Variants in NRXN1 observed in about 807,000 individuals in gnomAD.
NRXN1 encodes neurexin 1, also known as neurexin-1.
NRXN1 carries 39 observed loss-of-function variants against 150.9 expected under a neutral mutation model. The observed-to-expected ratio is 0.26, with a 90% CI of 0.20 to 0.34. NRXN1 has a LOEUF of 0.34. Ranked by LOEUF, NRXN1 falls within the 10% of genes least tolerant of loss-of-function variation. The probability of loss-of-function intolerance (pLI) is 1.00; values close to 1 mark genes in which losing one functional copy is unlikely to be tolerated. For missense variants in NRXN1, 1,815 were observed against 1,949.9 expected, an observed-to-expected ratio of 0.93 and a Z score of 1.30; for synonymous variants, 924 against 757.0, an observed-to-expected ratio of 1.22 and a Z score of -3.62.
chr2:50,838,743 G>A (rs1430344900), intron 5 of NRXN1, among the ~76,000 whole-genome samples: 1 of 152,204 alleles, frequency 6.6e-6, no homozygotes, highest in East Asian at 1.9e-4. Flanking sequence ...AAAACCAGAA[G>A]TTAAAAGAAG....
At chr2:50,956,850 A>G (rs1381431184) in intron 2 of NRXN1, among the ~76,000 whole-genome samples, 6 of 152,152 alleles carry the variant, frequency 3.9e-5, no homozygotes, top group African/African-American at 1.4e-4. Flanking sequence ...AACAAACTCA[A>G]TGAGGAGGTA....
At chr2:50,182,125 TA>T (rs2060765825) in intron 18 of NRXN1, among the ~76,000 whole-genome samples, 1 of 148,594 alleles carries the variant, frequency 6.7e-6, no homozygotes, top group African/African-American at 2.5e-5. Context: ...TTTTTTTTTT[TA>T]CTTTTAGATT....
rs1330046507 is a variant in NRXN1 at position 50,169,728 on chromosome 2, AGAAAG to A, written c.3546+67056_3546+67060del. On this transcript the variant is annotated intron_variant, in intron 18 of 22. Transcript: ENST00000401669. ...TTCCATCTCAAAAAAAAAAAAAAAA[AGAAAG>A]AAAGAAATTATATGGATGAGGTAGA... Among the ~76,000 whole-genome samples the A allele has an allele frequency of 1.4e-3, 194 of 139,106 alleles. 10 individuals are homozygous for A. Among genetic ancestry groups the A allele is most frequent in the African/African-American group, 5.2e-3 (190 of 36,278 alleles). 91.3% of individuals were successfully genotyped at this position (139,106 alleles called of 152,430 possible).
chr2:50,449,524 A>G (rs1269205730), intron 17 of NRXN1, among the ~76,000 whole-genome samples: 1 of 152,146 alleles, frequency 6.6e-6, no homozygotes, highest in Non-Finnish European at 1.5e-5. Flanking sequence ...GCATATTCAG[A>G]GTCAGTAGGT....
intron 13 of NRXN1, among the ~76,000 whole-genome samples, chr2:50,501,916 A>G (rs2091969129): frequency 6.6e-6 from 1 of 152,176 alleles, no homozygotes; most frequent in Admixed American, 6.5e-5. Context: ...AAGATATGGG[A>G]AAATGTAGGA....
intron 5 of NRXN1, among the ~76,000 whole-genome samples, chr2:50,662,190 T>A (rs1687397041): frequency 6.6e-6 from 1 of 152,028 alleles, no homozygotes; most frequent in Admixed American, 6.6e-5. Flanking sequence ...AAGCTGCAGA[T>A]TCTATTTTGC....
chr2:50,102,017 T>A (rs933701691), intron 18 of NRXN1, among the ~76,000 whole-genome samples: 1 of 151,978 alleles, frequency 6.6e-6, no homozygotes, highest in African/African-American at 2.4e-5. Context: ...AAAATGTGTG[T>A]ATATGGGCAT....
chr2:50,301,403 G>A (rs577374085), intron 17 of NRXN1, among the ~76,000 whole-genome samples: 2 of 152,322 alleles, frequency 1.3e-5, no homozygotes, highest in Admixed American at 6.5e-5. Flanking sequence ...TGACTCCAGA[G>A]TCCATATACT....
At chr2:50,254,269 A>G (rs1376511082) in intron 17 of NRXN1, among the ~76,000 whole-genome samples, 1 of 148,682 alleles carries the variant, frequency 6.7e-6, no homozygotes, top group Admixed American at 6.7e-5. Context: ...TATCCCCTTT[A>G]TCATTTTTTA....
At chr2:50,436,751 GTTTCT>G in intron 17 of NRXN1, among the ~76,000 whole-genome samples, 1 of 152,182 alleles carries the variant, frequency 6.6e-6, no homozygotes, top group Middle Eastern at 3.4e-3. Flanking sequence ...AAGGGATTCT[GTTTCT>G]TTTAATAGTG....
At chr2:50,883,185 A>AT (rs1176450835) in intron 5 of NRXN1, among the ~76,000 whole-genome samples, 1 of 151,748 alleles carries the variant, frequency 6.6e-6, no homozygotes, top group Non-Finnish European at 1.5e-5. Context: ...TTTTCTTTTC[A>AT]TTTTTGCATT....
At chr2:50,453,583 C>A (rs939094035) in intron 17 of NRXN1, among the ~76,000 whole-genome samples, 1 of 152,112 alleles carries the variant, frequency 6.6e-6, no homozygotes, top group Non-Finnish European at 1.5e-5. Context: ...AAAACAATCA[C>A]GCAAACTAAG....
chr2:50,614,640 A>AAAAATAT (rs377332372), intron 8 of NRXN1, among the ~76,000 whole-genome samples: 2 of 143,332 alleles, frequency 1.4e-5, no homozygotes, highest in African/African-American at 5.2e-5. Context: ...GTATAATAAA[A>AAAAATAT]ATATATATAT....
chr2:50,169,466 G>A (rs1490334420), intron 18 of NRXN1, among the ~76,000 whole-genome samples: 1 of 152,104 alleles, frequency 6.6e-6, no homozygotes, highest in Non-Finnish European at 1.5e-5. Flanking sequence ...AGTAATCCCA[G>A]CACTTTGGGA....
In NRXN1 at chr2:51,029,906, T is replaced by A. The variant is rs143107470; in HGVS notation, c.-921-712A>T. On this transcript the variant is annotated intron_variant, in intron 1 of 22. Coordinates refer to ENST00000401669, the MANE Select transcript of NRXN1 (RefSeq NM_001330078.2). Reference sequence around the variant, plus strand: ...CTAAAAGTGTAGATCTAACTCCTCCTGAAGTCTGTATCTTGCTGTCAGCCC... The same window carrying A: ...CTAAAAGTGTAGATCTAACTCCTCCAGAAGTCTGTATCTTGCTGTCAGCCC... 1.2e-4 allele frequency among the ~76,000 whole-genome samples: 15 copies of A among 128,528 alleles called. No individual in the cohort carries two copies. The East Asian group carries it at 3.5e-3, about 30-fold the overall frequency. The allele number at this position is 128,528 out of a possible 152,430, so 84.3% of individuals were successfully genotyped here. A position where few individuals can be genotyped will look rare whatever the true frequency, so the allele number is the denominator to read the frequency against.
chr2:50,276,634 A>C (rs1312489970), intron 17 of NRXN1, among the ~76,000 whole-genome samples: 1 of 152,178 alleles, frequency 6.6e-6, no homozygotes, highest in Non-Finnish European at 1.5e-5. Flanking sequence ...TTTAAAAAGA[A>C]GAGTGACCAA....
intron 5 of NRXN1, among the ~76,000 whole-genome samples, chr2:50,697,577 G>A (rs1028239371): frequency 9.2e-5 from 14 of 152,096 alleles, no homozygotes; most frequent in African/African-American, 3.4e-4. Flanking sequence ...CGAACCTAAC[G>A]CGACACTCCC....
rs1209294390 is a variant in NRXN1, at chr2:50,951,950, T to TAC, written c.773-25996_773-25995insGT. On this transcript the variant is annotated intron_variant, in intron 2 of 22. Transcript: ENST00000401669. ...AAAACTGTACATGAATAAATATATA[T>TAC]ATATATATATATATTTTTTTTTTTT... 1.2e-4 allele frequency among the ~76,000 whole-genome samples: 12 copies of TAC among 100,762 alleles called. 1 individual carries two copies. The highest frequency in any genetic ancestry group is 4.1e-4 in the African/African-American group (9 of 21,898). 66.1% of individuals were successfully genotyped at this position (100,762 alleles called of 152,430 possible). A position where few individuals can be genotyped will look rare whatever the true frequency, so the allele number is the denominator to read the frequency against.
intron 5 of NRXN1, among the ~76,000 whole-genome samples, chr2:50,706,328 C>T (rs542413749): frequency 3.9e-5 from 6 of 152,200 alleles, no homozygotes; most frequent in South Asian, 4.1e-4. Flanking sequence ...TTTGAGAAGA[C>T]GGTTAAGACA....
Sources: gnomAD v4.1 joint callset for allele counts (sites outside exome capture counted in the v4.1 genomes callset) on GRCh38, gnomAD v4.1.1 for gene constraint, MANE v1.5 for transcripts, NCBI Gene and HGNC (gene_info 2026-07-23, HGNC 2026-07-21) for gene names.